The following CHRM2 variants were observed in gnomAD, a reference collection of about 807,000 sequenced individuals.
CHRM2 encodes cholinergic receptor muscarinic 2.
In CHRM2, 8 loss-of-function variants were observed where a neutral mutation model predicts 25.0. The observed-to-expected ratio is 0.32, with a 90% CI of 0.19 to 0.58. The LOEUF (loss-of-function observed/expected upper bound fraction) is 0.58. Among genes scored for constraint, CHRM2 ranks in the 20% least tolerant of loss-of-function variants. The probability of loss-of-function intolerance (pLI) is 0.88; values close to 1 mark genes in which losing one functional copy is unlikely to be tolerated. For missense variants in CHRM2, 440 were observed against 567.1 expected, an observed-to-expected ratio of 0.78 and a Z score of 2.28; for synonymous variants, 202 against 205.7, an observed-to-expected ratio of 0.98 and a Z score of 0.15.
At chr7:136,951,025 TC>T (rs1800383803) in intron 2 of CHRM2, 1 of 152,000 alleles carries the variant, frequency 6.6e-6, no homozygotes, top group Non-Finnish European at 1.5e-5. Flanking sequence ...GATCTTATAC[TC>T]CTGGCCTCAA....
chr7:136,944,945 G>A (rs1364270850), intron 2 of CHRM2, among the ~76,000 whole-genome samples: 1 of 151,972 alleles, frequency 6.6e-6, no homozygotes, highest in African/African-American at 2.4e-5. Context: ...GGCCATTCTT[G>A]CAGGAGTAAG....
chr7:136,988,505 A>T (rs1803004850), intron 2 of CHRM2, among the ~76,000 whole-genome samples: 1 of 152,074 alleles, frequency 6.6e-6, no homozygotes, highest in Non-Finnish European at 1.5e-5. Flanking sequence ...GATTTTTTTC[A>T]TTGTAGAGAG....
At chr7:136,908,809 C>G (rs4443606) in intron 2 of CHRM2, among the ~76,000 whole-genome samples, 2 of 151,808 alleles carry the variant, frequency 1.3e-5, no homozygotes, top group Admixed American at 6.6e-5. Flanking sequence ...ACAAGTTTCC[C>G]CCATGTCAGT....
rs995369870 is a variant in CHRM2 at position 136,989,724 on chromosome 7, T to C, written c.-124-2463T>C. The stretch of plus-strand genomic sequence containing the variant: ...GTTTGCCATGGATCATTGCGTGACT[T>C]AGGTACTAATCTTTCTGCTCCTGGT... On this transcript the variant is annotated intron_variant, in intron 2 of 3. Coordinates refer to ENST00000680005, the MANE Select transcript of CHRM2 (RefSeq NM_001006630.2). Among the ~76,000 whole-genome samples, 23 of 152,172 alleles carry C rather than the reference T, an allele frequency of 1.5e-4. 1 individual carries two copies. The highest frequency in any genetic ancestry group is 5.3e-4 in the African/African-American group (22 of 41,442).
chr7:136,910,595 C>G (rs1022114171), intron 2 of CHRM2, among the ~76,000 whole-genome samples: 1 of 151,902 alleles, frequency 6.6e-6, no homozygotes, highest in African/African-American at 2.4e-5. Flanking sequence ...TAAAAAGGAA[C>G]ATGATTGAAG....
At chr7:136,889,180 G>A (rs1315278946) in intron 2 of CHRM2, among the ~76,000 whole-genome samples, 1 of 151,476 alleles carries the variant, frequency 6.6e-6, no homozygotes, top group Non-Finnish European at 1.5e-5. Context: ...GCAAAATTCA[G>A]TATTGGTGGA....
intron 2 of CHRM2, among the ~76,000 whole-genome samples, chr7:136,960,034 G>C (rs1222462229): frequency 6.6e-6 from 1 of 152,224 alleles, no homozygotes; most frequent in Non-Finnish European, 1.5e-5. Flanking sequence ...GGGGCTCTGG[G>C]TGAGGGAGAA....
intron 2 of CHRM2, among the ~76,000 whole-genome samples, chr7:136,874,544 C>A (rs1172634842): frequency 1.1e-3 from 1 of 914 alleles, no homozygotes; most frequent in Non-Finnish European, 2.6e-3. Flanking sequence ...CTCTGTCTTC[C>A]CCCATGCCCT....
intron 2 of CHRM2, among the ~76,000 whole-genome samples, chr7:136,969,020 C>A (rs762860180): frequency 4.6e-5 from 7 of 151,928 alleles, no homozygotes; most frequent in Non-Finnish European, 1.0e-4. Flanking sequence ...CAGTTCTATG[C>A]ATAATAATAT....
chr7:136,883,517 A>G (rs1290103535), intron 2 of CHRM2, among the ~76,000 whole-genome samples: 3 of 152,170 alleles, frequency 2.0e-5, no homozygotes, highest in Admixed American at 6.5e-5. Context: ...GACAGAAACA[A>G]GACTTTGAGT....
At chr7:136,957,578 G>A (rs974829477) in intron 2 of CHRM2, among the ~76,000 whole-genome samples, 4 of 152,208 alleles carry the variant, frequency 2.6e-5, no homozygotes, top group South Asian at 2.1e-4. Context: ...CGAGAGACGA[G>A]TTGGGATCTC....
At chr7:137,002,100 G>T (rs941445745) in intron 3 of CHRM2, among the ~76,000 whole-genome samples, 1 of 152,132 alleles carries the variant, frequency 6.6e-6, no homozygotes, top group African/African-American at 2.4e-5. Flanking sequence ...AAGAAGACTG[G>T]CATTTAGAAG....
intron 2 of CHRM2, among the ~76,000 whole-genome samples, chr7:136,982,760 A>G (rs569711847): frequency 6.6e-6 from 1 of 152,162 alleles, no homozygotes; most frequent in Non-Finnish European, 1.5e-5. Context: ...AAGGATATTG[A>G]ATATTGGCCC....
chr7:136,918,279 T>C (rs13224113), intron 2 of CHRM2, among the ~76,000 whole-genome samples: 37,926 of 152,044 alleles, frequency 0.25, 5,407 homozygotes, highest in Non-Finnish European at 0.32. Flanking sequence ...AATTCTCTAC[T>C]TCAGCTCATA....
chr7:136,921,786 C>CTTTTTTTTTTTTTTTTTTT (rs1485518823), intron 2 of CHRM2, among the ~76,000 whole-genome samples: 4 of 110,484 alleles, frequency 3.6e-5, no homozygotes, highest in Non-Finnish European at 9.4e-5. Context: ...TTCTTTCTTT[C>CTTTTTTTTTTTTTTTTTTT]TTTCTTTCTT....
chr7:136,982,194 T>C (rs1251582236), intron 2 of CHRM2, among the ~76,000 whole-genome samples: 3 of 152,256 alleles, frequency 2.0e-5, no homozygotes, highest in Non-Finnish European at 1.5e-5. Flanking sequence ...TTTATCATTA[T>C]GTAATATACT....
intron 2 of CHRM2, among the ~76,000 whole-genome samples, chr7:136,920,140 G>A (rs1244114435): frequency 6.6e-6 from 1 of 151,872 alleles, no homozygotes; most frequent in East Asian, 1.9e-4. Context: ...CTGCTATTCT[G>A]ATAGCTGTGC....
chr7:136,996,328 G>C (rs141406227), intron 3 of CHRM2, among the ~76,000 whole-genome samples: 12 of 151,538 alleles, frequency 7.9e-5, no homozygotes, highest in Non-Finnish European at 1.2e-4. Context: ...AAAGACAAAG[G>C]GTACATTTAA....
intron 2 of CHRM2, among the ~76,000 whole-genome samples, chr7:136,988,650 C>T (rs1229437643): frequency 1.3e-5 from 2 of 152,028 alleles, no homozygotes; most frequent in Non-Finnish European, 2.9e-5. Context: ...ATAGAGTAGA[C>T]AAATAATAAT....
Sources: gnomAD v4.1 joint callset for allele counts (sites outside exome capture counted in the v4.1 genomes callset) on GRCh38, gnomAD v4.1.1 for gene constraint, MANE v1.5 for transcripts, NCBI Gene and HGNC (gene_info 2026-07-23, HGNC 2026-07-21) for gene names.